Variants in XKR4 observed in about 807,000 individuals in gnomAD.
The protein encoded by XKR4 is XK-related protein 4.
A neutral mutation model predicts 53.9 loss-of-function variants in XKR4; 12 were observed. That is an observed-to-expected ratio of 0.22 (90% CI 0.14 to 0.36). The LOEUF is 0.36. Ranked by LOEUF, XKR4 falls within the 10% of genes least tolerant of loss-of-function variation. The pLI, the probability that XKR4 is intolerant of heterozygous loss-of-function variation, is 1.00. For missense variants in XKR4, 799 were observed against 859.5 expected, an observed-to-expected ratio of 0.93 and a Z score of 0.88; for synonymous variants, 354 against 362.4, an observed-to-expected ratio of 0.98 and a Z score of 0.26.
In XKR4 at chr8:55,215,091, C is replaced by T. The variant is rs1298367096; in HGVS notation, c.806+111797C>T. 1.2e-4 allele frequency among the ~76,000 whole-genome samples: 17 copies of T among 146,458 alleles called. No homozygotes were observed. In the South Asian group the frequency reaches 3.7e-3, roughly 32 times the overall value. ...AGTATGGTTAAAAAAAAAAAAAAAT[C>T]CTAAAGCCCAGACCAAGTTTGTTAT... On this transcript the variant is annotated intron_variant, in intron 1 of 2. Transcript: ENST00000327381.
chr8:55,245,830 C>T (rs887977094), intron 1 of XKR4, among the ~76,000 whole-genome samples: 2 of 152,164 alleles, frequency 1.3e-5, no homozygotes, highest in African/African-American at 2.4e-5. Context: ...TGCCATGGCT[C>T]ATGCTGGTAA....
chr8:55,103,319 G>A (rs1456282030), intron 1 of XKR4, 25 bp downstream of exon 1: 5 of 1,564,170 alleles, frequency 3.2e-6, no homozygotes, highest in African/African-American at 1.4e-5. Flanking sequence ...GGGGGAAAAG[G>A]GAGGCTTGCT....
chr8:55,209,884 A>G (rs1277041732), intron 1 of XKR4, among the ~76,000 whole-genome samples: 1 of 152,148 alleles, frequency 6.6e-6, no homozygotes, highest in Non-Finnish European at 1.5e-5. Flanking sequence ...CTGATTTTGA[A>G]CGTATATTTT....
At chr8:55,231,401 A>G (rs144311787) in intron 1 of XKR4, among the ~76,000 whole-genome samples, 1 of 152,168 alleles carries the variant, frequency 6.6e-6, no homozygotes. Flanking sequence ...CTGCCCTTCC[A>G]TTTCACTTAG....
At chr8:55,465,416 A>G (rs80008437) in intron 2 of XKR4, among the ~76,000 whole-genome samples, 61,869 of 151,246 alleles carry the variant, frequency 0.41, 13,309 homozygotes, top group East Asian at 0.53. Context: ...ATGGTGCTGG[A>G]AAAACTGGCT....
chr8:55,253,304 T>C (rs1818386149), intron 1 of XKR4, among the ~76,000 whole-genome samples: 1 of 152,226 alleles, frequency 6.6e-6, no homozygotes, highest in Non-Finnish European at 1.5e-5. Flanking sequence ...AATGGCGACA[T>C]GCCTCTGTGT....
intron 2 of XKR4, among the ~76,000 whole-genome samples, chr8:55,377,951 T>C (rs796267153): frequency 2.0e-5 from 3 of 152,336 alleles, no homozygotes; most frequent in African/African-American, 7.2e-5. Context: ...AGGAAGATTG[T>C]GTGCGCGTAA....
At chr8:55,273,248 C>T (rs901098714) in intron 1 of XKR4, among the ~76,000 whole-genome samples, 2 of 151,692 alleles carry the variant, frequency 1.3e-5, no homozygotes, top group African/African-American at 4.9e-5. Context: ...ACTACTGAAA[C>T]CATCTTTGCA....
At chr8:55,214,227 G>A (rs4737943) in intron 1 of XKR4, among the ~76,000 whole-genome samples, 119,377 of 152,126 alleles carry the variant, frequency 0.78, 49,117 homozygotes, top group Non-Finnish European at 0.92. Flanking sequence ...AGTAACTAAA[G>A]CACAATTCAG....
At chr8:55,339,932 A>G (rs1434195408) in intron 1 of XKR4, among the ~76,000 whole-genome samples, 1 of 152,228 alleles carries the variant, frequency 6.6e-6, no homozygotes, top group East Asian at 1.9e-4. Context: ...ATTTTCCTCT[A>G]TGACCTGAAA....
At chr8:55,202,352 T>C (rs1283289804) in intron 1 of XKR4, among the ~76,000 whole-genome samples, 1 of 152,158 alleles carries the variant, frequency 6.6e-6, no homozygotes, top group East Asian at 1.9e-4. Flanking sequence ...GGGAGGTTTA[T>C]AAAAAGGGCG....
intron 2 of XKR4, among the ~76,000 whole-genome samples, chr8:55,386,794 C>T (rs1470411633): frequency 6.6e-6 from 1 of 152,174 alleles, no homozygotes; most frequent in African/African-American, 2.4e-5. Flanking sequence ...TTTTCTAACA[C>T]ATTTATTTTC....
chr8:55,250,403 G>C (rs1818348032), intron 1 of XKR4, among the ~76,000 whole-genome samples: 1 of 152,134 alleles, frequency 6.6e-6, no homozygotes, highest in Admixed American at 6.5e-5. Flanking sequence ...GTGCTCCTTT[G>C]ATTTATTTAC....
In XKR4 at chr8:55,175,843, AT is replaced by A. The variant is rs146343028; in HGVS notation, c.806+72550del. On this transcript the variant is annotated intron_variant, in intron 1 of 2. Coordinates refer to ENST00000327381, the MANE Select transcript of XKR4 (RefSeq NM_052898.2). ...TAAATAAAATAATCATGTATCCACT[AT>A]GTGAGTGGTGCATAAAGTTCTAGGG... Among the ~76,000 whole-genome samples the A allele has an allele frequency of 4.4e-3, 675 of 152,362 alleles. 9 individuals are homozygous for A. The highest frequency in any genetic ancestry group is 0.014 in the African/African-American group (590 of 41,584).
intron 2 of XKR4, among the ~76,000 whole-genome samples, chr8:55,374,861 A>G (rs545608400): frequency 6.6e-6 from 1 of 152,366 alleles, no homozygotes. Context: ...GAAAGAATAA[A>G]ACTAGTGAAG....
At chr8:55,201,497 A>AT (rs1817576976) in intron 1 of XKR4, among the ~76,000 whole-genome samples, 1 of 152,190 alleles carries the variant, frequency 6.6e-6, no homozygotes, top group East Asian at 1.9e-4. Flanking sequence ...TTCTGGGAAA[A>AT]TTGAGACCCA....
intron 2 of XKR4, among the ~76,000 whole-genome samples, chr8:55,468,695 T>C (rs980978759): frequency 2.0e-5 from 3 of 152,142 alleles, no homozygotes; most frequent in African/African-American, 7.2e-5. Flanking sequence ...TAAACCTTCC[T>C]TGAAGTCTCA....
Position 55,450,622 on chromosome 8 carries a change from C to T in XKR4, c.1007-72659C>T, listed in dbSNP as rs577296700. ...ACTCCATGGGGAACTGCAGGTGGAGCTGGTGTAGGCAGTCCAAGAACTACA... is the reference window on the plus strand; with the variant it reads ...ACTCCATGGGGAACTGCAGGTGGAGTTGGTGTAGGCAGTCCAAGAACTACA... On this transcript the variant is annotated intron_variant, in intron 2 of 2. Coordinates refer to ENST00000327381, the MANE Select transcript of XKR4 (RefSeq NM_052898.2). 3.6e-4 allele frequency: 245 copies of T among 672,816 alleles called. No homozygotes were observed. The African/African-American group carries it at 4.1e-3, about 11-fold the overall frequency. 41.7% of individuals were successfully genotyped at this position (672,816 alleles called of 1,614,324 possible). A position where few individuals can be genotyped will look rare whatever the true frequency, so the allele number is the denominator to read the frequency against.
chr8:55,452,060 C>G (rs1388243239), intron 2 of XKR4: 2 of 710,714 alleles, frequency 2.8e-6, no homozygotes, highest in Non-Finnish European at 5.2e-6. Context: ...GACCCTTGTT[C>G]TTGGTGACTC....
Sources: allele counts gnomAD v4.1 joint callset (sites outside exome capture counted in the v4.1 genomes callset), GRCh38; gene constraint gnomAD v4.1.1; transcripts MANE v1.5; gene names NCBI Gene and HGNC (gene_info 2026-07-23, HGNC 2026-07-21).